Variants in RMDN2 observed in about 807,000 individuals in gnomAD.
RMDN2 encodes regulator of microtubule dynamics protein 2.
In RMDN2, 61 loss-of-function variants were observed where a neutral mutation model predicts 52.8. That is an observed-to-expected ratio of 1.16 (90% confidence interval 0.94 to 1.43). The LOEUF is 1.43. Among genes scored for constraint, RMDN2 ranks in the 40% most tolerant of loss-of-function variants. RMDN2 has a pLI of 0.00. For synonymous variants in RMDN2, 180 were observed against 153.1 expected (o/e 1.18, Z -1.30); for missense variants, 592 against 475.3 (o/e 1.25, Z -2.28).
intron 2 of RMDN2, among the ~76,000 whole-genome samples, chr2:37,941,196 C>A (rs922367248): frequency 6.6e-6 from 1 of 152,154 alleles, no homozygotes; most frequent in Admixed American, 6.5e-5. Context: ...CACTGTAGAC[C>A]CTGTTTGCCT....
intron 10 of RMDN2, among the ~76,000 whole-genome samples, chr2:38,057,319 G>C (rs1338766340): frequency 6.6e-6 from 1 of 152,220 alleles, no homozygotes; most frequent in Non-Finnish European, 1.5e-5. Context: ...ACAGTCAAAT[G>C]AGCATGGCTG....
At chr2:38,006,821 G>A (rs1048015112) in intron 10 of RMDN2, among the ~76,000 whole-genome samples, 15 of 152,262 alleles carry the variant, frequency 9.9e-5, no homozygotes, top group East Asian at 5.8e-4. Flanking sequence ...TGCCCATTCC[G>A]TACGATACTG....
rs764811670 is a variant in RMDN2 at position 37,975,310 on chromosome 2, T to C, written c.726T>C (p.Asn242=). ...CACAAGAAAAGAAACATTATGCTAA[T>C]ATTGGTAAGCATTTTGTAAAGATTA... ...TNTQEKKHYA[N]IGKTLSERAI... Residue 242 remains asparagine (N), a synonymous_variant, in exon 4 of 11, where the codon AAT becomes AAC. Coordinates refer to ENST00000354545, the MANE Select transcript of RMDN2 (RefSeq NM_001170791.3). 3 of 1,533,356 alleles carry C rather than the reference T, an allele frequency of 2.0e-6. No individual in the cohort carries two copies. The highest frequency in any genetic ancestry group is 1.7e-5 in the Admixed American group (1 of 59,708). 95.0% of individuals were successfully genotyped at this position (1,533,356 alleles called of 1,614,324 possible). A position where few individuals can be genotyped will look rare whatever the true frequency, so the allele number is the denominator to read the frequency against.
rs551378606 is a variant in RMDN2, at chr2:38,052,286, A to T, written c.1714-14696A>T. ...TCTCTGATGATTAGTGATGTTGAGA[A>T]TGTTTTCATATACCTGTTGGCCATT... On this transcript the variant is annotated intron_variant, in intron 10 of 10. Coordinates refer to the RMDN2 transcript ENST00000234195. Among the ~76,000 whole-genome samples, 4 of 152,298 alleles carry T rather than the reference A, an allele frequency of 2.6e-5. No homozygotes were observed. In the East Asian group the frequency reaches 5.8e-4, roughly 22 times the overall value.
intron 10 of RMDN2, among the ~76,000 whole-genome samples, chr2:38,062,376 A>G (rs1169838754): frequency 6.6e-6 from 1 of 152,212 alleles, no homozygotes; most frequent in Non-Finnish European, 1.5e-5. Context: ...CTTGAGATTC[A>G]TTCAAGTTGT....
Position 37,981,037 on chromosome 2 carries a change from G to T in RMDN2, c.731-246G>T, listed in dbSNP as rs576753829. On this transcript the variant is annotated intron_variant, in intron 4 of 10. Coordinates refer to ENST00000354545, the MANE Select transcript of RMDN2 (RefSeq NM_001170791.3). ...TTGGTTAAGTTGCTTAGTCTAGTGG[G>T]TGTCAAACCTTAGCATACATCAGAA... Among the ~76,000 whole-genome samples, 4 of 152,302 alleles carry T rather than the reference G, an allele frequency of 2.6e-5. No homozygotes were observed. The East Asian group carries it at 7.7e-4, about 29-fold the overall frequency.
chr2:38,003,684 G>C (rs1351507167), intron 8 of RMDN2, among the ~76,000 whole-genome samples: 1 of 152,088 alleles, frequency 6.6e-6, no homozygotes, highest in East Asian at 1.9e-4. Context: ...GAAAAGAAAA[G>C]GATAGAGAAA....
At chr2:37,926,275 A>G (rs956197362) in intron 1 of RMDN2, among the ~76,000 whole-genome samples, 63 of 152,362 alleles carry the variant, frequency 4.1e-4, no homozygotes, top group African/African-American at 1.5e-3. Context: ...AGTAAAGCAT[A>G]ATTTCTACAT....
intron 2 of RMDN2, chr2:37,963,317 CTT>C (rs60052181): frequency 1.1e-4 from 13 of 115,584 alleles, no homozygotes; most frequent in East Asian, 4.6e-4. Flanking sequence ...ACGTGAGTTT[CTT>C]TTTTTTTTTT....
rs564634520 is a variant in RMDN2 at position 37,986,798 on chromosome 2, A to G, written c.792-2743A>G. ...ACTCTCAGCAAACTTTATCAAGTTG[A>G]GGAAAATTTTATCAATTTTCCTCAA... On this transcript the variant is annotated intron_variant, in intron 5 of 10. Coordinates refer to ENST00000354545, the MANE Select transcript of RMDN2 (RefSeq NM_001170791.3). Among the ~76,000 whole-genome samples the G allele has an allele frequency of 3.3e-5, 5 of 152,218 alleles. No homozygotes were observed. In the East Asian group the frequency reaches 9.7e-4, roughly 29 times the overall value.
intron 10 of RMDN2, among the ~76,000 whole-genome samples, chr2:38,025,864 T>C (rs932464068): frequency 9.2e-5 from 14 of 152,156 alleles, no homozygotes; most frequent in African/African-American, 3.4e-4. Context: ...TAAAATTTTA[T>C]TTTAAGTTTT....
At chr2:38,032,201 T>C (rs1680258983) in intron 10 of RMDN2, among the ~76,000 whole-genome samples, 1 of 152,166 alleles carries the variant, frequency 6.6e-6, no homozygotes. Flanking sequence ...AACCAACATA[T>C]AGAGCATGAC....
intron 10 of RMDN2, among the ~76,000 whole-genome samples, chr2:38,046,713 G>A (rs750776454): frequency 6.6e-5 from 10 of 152,216 alleles, no homozygotes; most frequent in Non-Finnish European, 8.8e-5. Flanking sequence ...GGCCCGGTGC[G>A]GTGGCTCACG....
intron 10 of RMDN2, among the ~76,000 whole-genome samples, chr2:38,046,968 G>A (rs1297945201): frequency 2.0e-5 from 3 of 151,948 alleles, no homozygotes; most frequent in Admixed American, 1.3e-4. Flanking sequence ...GGGCGACAGA[G>A]TGAGATTCTG....
intron 10 of RMDN2, among the ~76,000 whole-genome samples, chr2:38,015,192 C>G (rs1202588781): frequency 6.6e-6 from 1 of 152,172 alleles, no homozygotes; most frequent in Non-Finnish European, 1.5e-5. Flanking sequence ...GCCCTTCTGG[C>G]TTAGTGCTCA....
intron 2 of RMDN2, among the ~76,000 whole-genome samples, chr2:37,933,750 A>T (rs1415720868): frequency 6.6e-6 from 1 of 152,140 alleles, no homozygotes; most frequent in East Asian, 1.9e-4. Flanking sequence ...TCGGCATCAG[A>T]GGGAGACCGT....
intron 1 of RMDN2, among the ~76,000 whole-genome samples, chr2:37,927,213 C>T (rs1449582712): frequency 2.0e-5 from 3 of 152,178 alleles, no homozygotes; most frequent in Non-Finnish European, 1.5e-5. Context: ...TCTGTTCAGT[C>T]AGTACTCTCC....
At chr2:37,922,588 C>T (rs1666061511), upstream of RMDN2, among the ~76,000 whole-genome samples, 1 of 152,144 alleles carries the variant, frequency 6.6e-6, no homozygotes, top group Non-Finnish European at 1.5e-5. Context: ...TGCTACCATC[C>T]TTGAAGATGT....
At chr2:38,067,101 A>G (rs2125313149) in exon 11 of RMDN2, 1 of 1,035,756 alleles carries the variant, frequency 9.7e-7, no homozygotes, top group East Asian at 2.4e-5. Context: ...TATTTTTACC[A>G]AGTAAAAAGA....
Sources: allele counts gnomAD v4.1 joint callset (sites outside exome capture counted in the v4.1 genomes callset), GRCh38; gene constraint gnomAD v4.1.1; transcripts MANE v1.5; gene names NCBI Gene and HGNC (gene_info 2026-07-23, HGNC 2026-07-21).